Variants in DPP10 observed in about 807,000 individuals in gnomAD.
DPP10 encodes inactive dipeptidyl peptidase 10.
A neutral mutation model predicts 120.9 loss-of-function variants in DPP10; 33 were observed. That is an observed-to-expected ratio of 0.27 (90% confidence interval 0.21 to 0.37). DPP10 has a LOEUF of 0.37. Among genes scored for constraint, DPP10 ranks in the 10% least tolerant of loss-of-function variants. The pLI, the probability that DPP10 is intolerant of heterozygous loss-of-function variation, is 1.00. For missense variants in DPP10, 816 were observed against 942.8 expected (o/e 0.87, Z 1.76); for synonymous variants, 337 against 326.1 (o/e 1.03, Z -0.36).
chr2:115,598,614 A>C (rs2083130715), intron 5 of DPP10, among the ~76,000 whole-genome samples: 1 of 152,024 alleles, frequency 6.6e-6, no homozygotes, highest in Admixed American at 6.5e-5. Context: ...CATCTGAATT[A>C]ATATACACAC....
chr2:114,543,337 AT>A (rs1438552568), intron 1 of DPP10, among the ~76,000 whole-genome samples: 2 of 152,208 alleles, frequency 1.3e-5, no homozygotes, highest in Non-Finnish European at 2.9e-5. Flanking sequence ...CAAGGGGCTA[AT>A]TTCCAACATT....
chr2:115,608,520 C>T (rs373016095), intron 5 of DPP10, among the ~76,000 whole-genome samples: 14 of 152,190 alleles, frequency 9.2e-5, no homozygotes, highest in East Asian at 1.9e-4. Flanking sequence ...AGAAAAGATG[C>T]GACATTGCCA....
chr2:114,469,526 C>G (rs1464495315), intron 1 of DPP10, among the ~76,000 whole-genome samples: 2 of 151,910 alleles, frequency 1.3e-5, no homozygotes, highest in African/African-American at 4.8e-5. Context: ...ACAGGAGTTT[C>G]AGACCAGGTT....
intron 3 of DPP10, among the ~76,000 whole-genome samples, chr2:115,354,968 G>A (rs371187721): frequency 6.6e-6 from 1 of 152,152 alleles, no homozygotes; most frequent in Admixed American, 6.5e-5. Context: ...CATTGAGGTT[G>A]GTTCCATGAC....
At chr2:114,848,551 C>A (rs1480806525) in intron 1 of DPP10, among the ~76,000 whole-genome samples, 1 of 152,082 alleles carries the variant, frequency 6.6e-6, no homozygotes, top group Non-Finnish European at 1.5e-5. Flanking sequence ...AACAATAAAA[C>A]TGATATTTCA....
intron 1 of DPP10, among the ~76,000 whole-genome samples, chr2:114,573,976 G>A (rs910245911): frequency 6.6e-6 from 1 of 152,116 alleles, no homozygotes; most frequent in African/African-American, 2.4e-5. Context: ...ACATTTGATC[G>A]TGGTGAAAGA....
chr2:115,187,101 A>G (rs1031015871), intron 1 of DPP10, among the ~76,000 whole-genome samples: 1 of 131,780 alleles, frequency 7.6e-6, no homozygotes, highest in African/African-American at 2.9e-5. Flanking sequence ...CAATGGCGCA[A>G]TCTCGGCTCA....
chr2:115,329,698 G>A (rs963784102), intron 2 of DPP10, among the ~76,000 whole-genome samples: 1 of 151,988 alleles, frequency 6.6e-6, no homozygotes, highest in African/African-American at 2.4e-5. Context: ...TTGGTTTTTT[G>A]TCTTTGCGAC....
chr2:115,505,037 A>G (rs924460882), intron 4 of DPP10, among the ~76,000 whole-genome samples: 1 of 152,078 alleles, frequency 6.6e-6, no homozygotes, highest in Non-Finnish European at 1.5e-5. Flanking sequence ...CTCAATTACC[A>G]TTATGAAGGA....
chr2:114,919,352 A>T (rs1401834303), intron 1 of DPP10, among the ~76,000 whole-genome samples: 1 of 152,182 alleles, frequency 6.6e-6, no homozygotes, highest in Non-Finnish European at 1.5e-5. Context: ...CCTAAACGAC[A>T]GAGCTCAGTG....
intron 4 of DPP10, among the ~76,000 whole-genome samples, chr2:115,523,668 C>G (rs1204227138): frequency 6.6e-6 from 1 of 152,058 alleles, no homozygotes; most frequent in Non-Finnish European, 1.5e-5. Context: ...ATGTTGGATA[C>G]TTTGTGTATC....
At chr2:114,802,864 A>G (rs2176737) in intron 1 of DPP10, among the ~76,000 whole-genome samples, 93,369 of 152,070 alleles carry the variant, frequency 0.61, 28,902 homozygotes, top group East Asian at 0.78. Flanking sequence ...TCTTCTAAGC[A>G]TCATCTATCA....
chr2:115,051,926 A>G (rs1013997636), intron 1 of DPP10, among the ~76,000 whole-genome samples: 4 of 152,236 alleles, frequency 2.6e-5, no homozygotes, highest in Admixed American at 6.5e-5. Context: ...ACATCATGTT[A>G]TACACCGTGT....
intron 1 of DPP10, among the ~76,000 whole-genome samples, chr2:114,558,928 T>C (rs191610731): frequency 2.0e-5 from 3 of 152,298 alleles, no homozygotes; most frequent in East Asian, 3.9e-4. Flanking sequence ...TTCAATATAG[T>C]CATAAGTACA....
At chr2:114,923,743 G>A (rs1489728638) in intron 1 of DPP10, among the ~76,000 whole-genome samples, 5 of 131,924 alleles carry the variant, frequency 3.8e-5, no homozygotes, top group Admixed American at 7.3e-5. Flanking sequence ...TGGGATTACA[G>A]GCGTGAGCCA....
At chr2:115,449,832 T>G (rs1475868667) in intron 3 of DPP10, among the ~76,000 whole-genome samples, 1 of 152,046 alleles carries the variant, frequency 6.6e-6, no homozygotes, top group African/African-American at 2.4e-5. Context: ...AGTACAGAAG[T>G]TACGTGAAAA....
At chr2:115,095,376 G>A (rs1709632135) in intron 1 of DPP10, among the ~76,000 whole-genome samples, 1 of 152,130 alleles carries the variant, frequency 6.6e-6, no homozygotes, top group African/African-American at 2.4e-5. Context: ...TATGCAGATG[G>A]GCTTTGGGAG....
chr2:115,510,696 T>A (rs1009998961), intron 4 of DPP10, among the ~76,000 whole-genome samples: 1 of 152,102 alleles, frequency 6.6e-6, no homozygotes, highest in African/African-American at 2.4e-5. Context: ...AGCTAAGACT[T>A]TTGATGGTGA....
chr2:115,461,678 A>G (rs2073993516), intron 3 of DPP10, among the ~76,000 whole-genome samples: 2 of 152,194 alleles, frequency 1.3e-5, no homozygotes, highest in Admixed American at 1.3e-4. Flanking sequence ...ATACCTCAAT[A>G]AGGATTAGAA....
Sources: allele counts gnomAD v4.1 joint callset (sites outside exome capture counted in the v4.1 genomes callset), GRCh38; gene constraint gnomAD v4.1.1; transcripts MANE v1.5; gene names NCBI Gene and HGNC (gene_info 2026-07-23, HGNC 2026-07-21).